B4GALT5: variants seen among roughly 807,000 people sequenced by gnomAD.
B4GALT5 encodes the protein beta-1,4-galactosyltransferase 5.
In B4GALT5, 11 loss-of-function variants were observed where a neutral mutation model predicts 45.0. That is an observed-to-expected ratio of 0.24 (90% CI 0.15 to 0.40). The LOEUF (loss-of-function observed/expected upper bound fraction) is 0.40, where lower values mean the gene tolerates loss of function less well. B4GALT5 is among the 10% of genes least tolerant of loss of function. The pLI is 1.00. For synonymous variants in B4GALT5, 185 were observed against 182.9 expected (o/e 1.01, Z -0.09); for missense variants, 337 against 500.2 (o/e 0.67, Z 3.11).
intron 2 of B4GALT5, among the ~76,000 whole-genome samples, chr20:49,655,554 T>C (rs2123016850): frequency 6.6e-6 from 1 of 152,342 alleles, no homozygotes; most frequent in Middle Eastern, 3.4e-3. Flanking sequence ...CATCCCTGGC[T>C]GGACTAGAGA....
chr20:49,675,522 G>T (rs2085733579), intron 1 of B4GALT5, among the ~76,000 whole-genome samples: 1 of 152,124 alleles, frequency 6.6e-6, no homozygotes, highest in Admixed American at 6.6e-5. Flanking sequence ...GCTCCTGGGG[G>T]TGTTCAAAGT....
At chr20:49,639,825 T>C in intron 6 of B4GALT5, 25 bp from the exon 7 acceptor site, 3 of 1,610,762 alleles carry the variant, frequency 1.9e-6, no homozygotes, top group Non-Finnish European at 2.5e-6. Context: ...GGGACATCAA[T>C]CATCTGTGTG....
chr20:49,661,926 G>A (rs1345927220), intron 1 of B4GALT5, among the ~76,000 whole-genome samples: 1 of 152,076 alleles, frequency 6.6e-6, no homozygotes, highest in Admixed American at 6.6e-5. Flanking sequence ...TAATTCAGTT[G>A]AGAAAAATAA....
chr20:49,707,510 GA>G (rs146674391), intron 1 of B4GALT5, among the ~76,000 whole-genome samples: 6 of 143,982 alleles, frequency 4.2e-5, no homozygotes, highest in Non-Finnish European at 9.2e-5. Flanking sequence ...TTCATGTCAA[GA>G]AAAAAAAAAG....
chr20:49,643,394 G>A, intron 4 of B4GALT5, 132 bp downstream of exon 4: 1 of 1,225,816 alleles, frequency 8.2e-7, no homozygotes, highest in East Asian at 2.4e-5. Flanking sequence ...CCTCTAAAAT[G>A]TTTCTACATT....
At chr20:49,654,998 G>A (rs2085636330) in intron 2 of B4GALT5, among the ~76,000 whole-genome samples, 1 of 152,072 alleles carries the variant, frequency 6.6e-6, no homozygotes, top group African/African-American at 2.4e-5. Context: ...AGCCACGGTG[G>A]CTCACACCTT....
chr20:49,682,975 T>C (rs1433316343), intron 1 of B4GALT5, among the ~76,000 whole-genome samples: 12 of 151,980 alleles, frequency 7.9e-5, no homozygotes, highest in Admixed American at 7.9e-4. Context: ...GCACCTGTAG[T>C]CCCAGCCAGT....
intron 1 of B4GALT5, among the ~76,000 whole-genome samples, chr20:49,670,701 G>A (rs2085712353): frequency 6.6e-6 from 1 of 152,148 alleles, no homozygotes; most frequent in Non-Finnish European, 1.5e-5. Context: ...CAAACTGCTT[G>A]TCTAAATGAG....
intron 1 of B4GALT5, among the ~76,000 whole-genome samples, chr20:49,673,019 A>C (rs2085722403): frequency 6.6e-6 from 1 of 152,194 alleles, no homozygotes; most frequent in Admixed American, 6.5e-5. Context: ...TTACCTTCTG[A>C]GTATTCTTGC....
chr20:49,659,324 G>A (rs968946630), intron 1 of B4GALT5, among the ~76,000 whole-genome samples: 2 of 152,108 alleles, frequency 1.3e-5, no homozygotes, highest in South Asian at 2.1e-4. Flanking sequence ...TCTTTCTGCC[G>A]TGCAAATCCC....
chr20:49,672,955 T>C (rs1041761562), intron 1 of B4GALT5, among the ~76,000 whole-genome samples: 2 of 152,162 alleles, frequency 1.3e-5, no homozygotes, highest in African/African-American at 4.8e-5. Flanking sequence ...ATCAGATAGG[T>C]ACCACTTAAC....
intron 1 of B4GALT5, among the ~76,000 whole-genome samples, chr20:49,689,857 C>T (rs143398743): frequency 0.011 from 1,668 of 152,246 alleles, 40 homozygotes; most frequent in African/African-American, 0.039. Flanking sequence ...AATCCCTACC[C>T]TTATTTCCCT....
chr20:49,695,566 C>T (rs545616074), intron 1 of B4GALT5, among the ~76,000 whole-genome samples: 1 of 152,266 alleles, frequency 6.6e-6, no homozygotes. Flanking sequence ...CATATGCCAC[C>T]ATGCCCGGCT....
At chr20:49,645,817 T>C (rs2085596799) in intron 3 of B4GALT5, among the ~76,000 whole-genome samples, 1 of 152,010 alleles carries the variant, frequency 6.6e-6, no homozygotes, top group South Asian at 2.1e-4. Context: ...TAATAAACTA[T>C]GTTACTGGTT....
intron 1 of B4GALT5, among the ~76,000 whole-genome samples, chr20:49,679,815 C>T (rs1285175342): frequency 6.6e-6 from 1 of 152,074 alleles, no homozygotes; most frequent in Non-Finnish European, 1.5e-5. Context: ...TGTTATCAGG[C>T]AAAGAATGAA....
At chr20:49,637,306 G>T in intron 8 of B4GALT5, 35 bp downstream of exon 8, 1 of 1,539,046 alleles carries the variant, frequency 6.5e-7, no homozygotes, top group South Asian at 1.1e-5. Flanking sequence ...AAGTATAGGG[G>T]ATACTTCTAA....
intron 7 of B4GALT5, among the ~76,000 whole-genome samples, chr20:49,637,734 G>C (rs2085560179): frequency 6.6e-6 from 1 of 150,472 alleles, no homozygotes; most frequent in African/African-American, 2.4e-5. Context: ...AGGAGTTCGA[G>C]ACCAGCCTGG....
chr20:49,674,066 T>C (rs1230660987), intron 1 of B4GALT5, among the ~76,000 whole-genome samples: 3 of 112,490 alleles, frequency 2.7e-5, no homozygotes, highest in Admixed American at 1.1e-4. Context: ...TGAAATCCCA[T>C]CTCTATTAAA....
At chr20:49,698,704 G>C (rs1006834913) in intron 1 of B4GALT5, among the ~76,000 whole-genome samples, 1 of 152,086 alleles carries the variant, frequency 6.6e-6, no homozygotes, top group Admixed American at 6.5e-5. Context: ...TAGTCATCCA[G>C]GGACCATCTT....
Sources: allele counts gnomAD v4.1 joint callset (sites outside exome capture counted in the v4.1 genomes callset), GRCh38; gene constraint gnomAD v4.1.1; transcripts MANE v1.5; gene names NCBI Gene and HGNC (gene_info 2026-07-23, HGNC 2026-07-21).